RIT2: variants seen among roughly 807,000 people sequenced by gnomAD.
RIT2 encodes GTP-binding protein Rit2.
RIT2 carries 24 observed loss-of-function variants against 23.7 expected under a neutral mutation model. That is an observed-to-expected ratio of 1.01 (90% CI 0.73 to 1.43). The LOEUF is 1.43. RIT2 is among the 40% of genes most tolerant of loss of function. RIT2 has a pLI of 0.00. For missense variants in RIT2, 236 were observed against 266.9 expected (o/e 0.88, Z 0.81); for synonymous variants, 107 against 91.1 (o/e 1.17, Z -0.99).
intron 4 of RIT2, among the ~76,000 whole-genome samples, chr18:42,785,438 CTTGGCCTCTCT>C (rs919266528): frequency 7.1e-6 from 1 of 140,176 alleles, no homozygotes; most frequent in African/African-American, 3.0e-5. Flanking sequence ...TGTTAAGTTT[CTTGGCCTCTCT>C]TTTTTTTTTT....
At chr18:42,911,545 T>C (rs900749967) in intron 4 of RIT2, among the ~76,000 whole-genome samples, 2 of 152,082 alleles carry the variant, frequency 1.3e-5, no homozygotes, top group Non-Finnish European at 2.9e-5. Flanking sequence ...TGTTTCACTA[T>C]AGCAACCATT....
At chr18:42,801,064 CAT>C (rs1177680376) in intron 4 of RIT2, among the ~76,000 whole-genome samples, 42 of 152,166 alleles carry the variant, frequency 2.8e-4, no homozygotes, top group African/African-American at 9.2e-4. Flanking sequence ...CAAACAGCCT[CAT>C]GTGTCATGAT....
At chr18:42,800,058 C>T (rs896547249) in intron 4 of RIT2, among the ~76,000 whole-genome samples, 1 of 152,146 alleles carries the variant, frequency 6.6e-6, no homozygotes, top group Non-Finnish European at 1.5e-5. Flanking sequence ...ATCTCTGGCA[C>T]TTTGAAAAGC....
At chr18:43,050,305 ATAGGTG>A (rs890942396) in intron 1 of RIT2, among the ~76,000 whole-genome samples, 2 of 152,074 alleles carry the variant, frequency 1.3e-5, no homozygotes, top group African/African-American at 4.8e-5. Context: ...CACTAGGATT[ATAGGTG>A]TAAGCAACCT....
chr18:43,061,068 G>T (rs1050958422), intron 1 of RIT2, among the ~76,000 whole-genome samples: 6 of 152,052 alleles, frequency 3.9e-5, no homozygotes, highest in African/African-American at 1.4e-4. Flanking sequence ...TAAAGAAACT[G>T]AGTCTCATAT....
At chr18:42,943,566 G>A (rs1022912598) in intron 3 of RIT2, among the ~76,000 whole-genome samples, 1 of 152,012 alleles carries the variant, frequency 6.6e-6, no homozygotes, top group African/African-American at 2.4e-5. Flanking sequence ...TCTTTTACAT[G>A]TTTTTATTAA....
intron 4 of RIT2, among the ~76,000 whole-genome samples, chr18:42,915,808 T>C (rs945877738): frequency 3.3e-5 from 5 of 152,008 alleles, no homozygotes; most frequent in Non-Finnish European, 5.9e-5. Context: ...ATAAACATTA[T>C]GTTTAAAATT....
chr18:42,896,440 T>C (rs970342702), intron 4 of RIT2, among the ~76,000 whole-genome samples: 1 of 152,206 alleles, frequency 6.6e-6, no homozygotes, highest in Non-Finnish European at 1.5e-5. Flanking sequence ...AACTGATTTT[T>C]TAGAGAGAGG....
intron 1 of RIT2, among the ~76,000 whole-genome samples, chr18:43,038,714 C>T (rs960000317): frequency 6.6e-6 from 1 of 152,106 alleles, no homozygotes; most frequent in African/African-American, 2.4e-5. Context: ...TAGTACATGT[C>T]AATGCTTTGT....
intron 4 of RIT2, among the ~76,000 whole-genome samples, chr18:42,852,079 C>T (rs1055424158): frequency 6.6e-6 from 1 of 152,104 alleles, no homozygotes; most frequent in African/African-American, 2.4e-5. Context: ...TGCTAGTCAC[C>T]ATCTACTATC....
chr18:43,087,327 A>G (rs1913308366), intron 1 of RIT2, among the ~76,000 whole-genome samples: 1 of 152,170 alleles, frequency 6.6e-6, no homozygotes, highest in Non-Finnish European at 1.5e-5. Context: ...GATCTTAAAA[A>G]TAACCATAAT....
intron 3 of RIT2, among the ~76,000 whole-genome samples, chr18:42,932,376 C>A (rs1909348301): frequency 6.6e-6 from 1 of 152,166 alleles, no homozygotes; most frequent in African/African-American, 2.4e-5. Flanking sequence ...TCTTTAAGTA[C>A]TGCATTTATT....
Position 42,920,418 on chromosome 18 carries a change from G to T in RIT2, c.426+3154C>A, listed in dbSNP as rs376643889. Among the ~76,000 whole-genome samples, 44 of 152,264 alleles carry T rather than the reference G, an allele frequency of 2.9e-4. 1 individual carries two copies. In the South Asian group the frequency reaches 5.8e-3, roughly 20 times the overall value. On this transcript the variant is annotated intron_variant, in intron 4 of 4. Transcript: ENST00000326695. ...ATAAAGGAGACTACTTCTTGGTCTTGCGGTGAGGATTAAATAAAATCTTGT... is the reference window on the plus strand; with the variant it reads ...ATAAAGGAGACTACTTCTTGGTCTTTCGGTGAGGATTAAATAAAATCTTGT...
At chr18:43,051,917 T>C (rs1299793221) in intron 1 of RIT2, among the ~76,000 whole-genome samples, 1 of 152,172 alleles carries the variant, frequency 6.6e-6, no homozygotes, top group Non-Finnish European at 1.5e-5. Context: ...TTTGGACCCT[T>C]TTCCACTCCC....
At chr18:42,974,761 C>T (rs150715211) in intron 2 of RIT2, among the ~76,000 whole-genome samples, 195 of 152,020 alleles carry the variant, frequency 1.3e-3, no homozygotes, top group African/African-American at 4.4e-3. Flanking sequence ...TTTCTATCAA[C>T]TAATAATAAC....
chr18:43,096,685 T>C (rs1361428606), intron 1 of RIT2, among the ~76,000 whole-genome samples: 8 of 151,900 alleles, frequency 5.3e-5, no homozygotes. Flanking sequence ...ATAAAACAAC[T>C]ATAATTACCC....
At chr18:42,840,414 A>G (rs1045248497) in intron 4 of RIT2, among the ~76,000 whole-genome samples, 1 of 152,234 alleles carries the variant, frequency 6.6e-6, no homozygotes, top group African/African-American at 2.4e-5. Context: ...ACTATATGGC[A>G]ATACTTACTG....
At chr18:42,898,020 T>C (rs1010756549) in intron 4 of RIT2, among the ~76,000 whole-genome samples, 1 of 152,134 alleles carries the variant, frequency 6.6e-6, no homozygotes, top group African/African-American at 2.4e-5. Context: ...ATGGTCAGGA[T>C]TTCCTATTGA....
chr18:43,113,631 A>G (rs79318180), intron 1 of RIT2, among the ~76,000 whole-genome samples: 8,881 of 152,248 alleles, frequency 0.058, 294 homozygotes, highest in South Asian at 0.098. Flanking sequence ...AATATCAGCA[A>G]TATCACAAGA....
Sources: gnomAD v4.1 joint callset for allele counts (sites outside exome capture counted in the v4.1 genomes callset) on GRCh38, gnomAD v4.1.1 for gene constraint, MANE v1.5 for transcripts, NCBI Gene and HGNC (gene_info 2026-07-23, HGNC 2026-07-21) for gene names.